ROBO1: variants seen among roughly 807,000 people sequenced by gnomAD.
ROBO1 encodes the protein roundabout guidance receptor 1, also known as roundabout homolog 1.
ROBO1 carries 149 observed loss-of-function variants against 195.9 expected under a neutral mutation model. The ratio of observed to expected loss-of-function variants is 0.76; its 90% CI spans 0.67 to 0.87. The LOEUF is 0.87. Ranked by LOEUF, ROBO1 falls within the 40% of genes least tolerant of loss-of-function variation. The pLI, the probability that ROBO1 is intolerant of heterozygous loss-of-function variation, is 0.00. For missense variants in ROBO1, 1,933 were observed against 2,068.3 expected (o/e 0.93, Z 1.27); for synonymous variants, 816 against 733.2 (o/e 1.11, Z -1.82).
chr3:79,496,754 T>C (rs1333805514), intron 2 of ROBO1, among the ~76,000 whole-genome samples: 1 of 152,166 alleles, frequency 6.6e-6, no homozygotes, highest in Non-Finnish European at 1.5e-5. Context: ...GTAAAAATTA[T>C]GGAGAAAATG....
chr3:79,287,215 G>C (rs1328050110), intron 2 of ROBO1, among the ~76,000 whole-genome samples: 1 of 151,984 alleles, frequency 6.6e-6, no homozygotes, highest in African/African-American at 2.4e-5. Context: ...GAAATATTTT[G>C]GCTTCATGTA....
intron 2 of ROBO1, among the ~76,000 whole-genome samples, chr3:79,358,044 T>C (rs2035625503): frequency 6.6e-6 from 1 of 152,124 alleles, no homozygotes; most frequent in African/African-American, 2.4e-5. Flanking sequence ...AGAATATCGG[T>C]TAAGAGCATG....
At chr3:79,005,877 T>C (rs2077607954) in intron 3 of ROBO1, among the ~76,000 whole-genome samples, 1 of 152,132 alleles carries the variant, frequency 6.6e-6, no homozygotes. Context: ...TATTAGCAAA[T>C]AATAAAACAA....
intron 2 of ROBO1, among the ~76,000 whole-genome samples, chr3:79,188,266 T>A (rs1348956038): frequency 6.6e-6 from 1 of 151,944 alleles, no homozygotes; most frequent in South Asian, 2.1e-4. Context: ...TGTGAGTCCT[T>A]AATGTGGAGA....
At chr3:79,521,488 T>A (rs2107579827) in intron 2 of ROBO1, among the ~76,000 whole-genome samples, 1 of 152,214 alleles carries the variant, frequency 6.6e-6, no homozygotes. Flanking sequence ...CCGACATCGA[T>A]CTAATTCAGA....
intron 23 of ROBO1, among the ~76,000 whole-genome samples, chr3:78,635,231 A>C (rs938395857): frequency 6.6e-6 from 1 of 152,176 alleles, no homozygotes; most frequent in African/African-American, 2.4e-5. Context: ...GACTTCAATC[A>C]GGTCAACCAA....
chr3:78,703,263 GA>G (rs1423824424), intron 8 of ROBO1, among the ~76,000 whole-genome samples: 1 of 152,096 alleles, frequency 6.6e-6, no homozygotes, highest in Non-Finnish European at 1.5e-5. Context: ...TCAATCAAAT[GA>G]AACAGCATTA....
chr3:78,826,074 CTGATAAATCT>C (rs1364668065), intron 4 of ROBO1, among the ~76,000 whole-genome samples: 1 of 152,140 alleles, frequency 6.6e-6, no homozygotes, highest in Non-Finnish European at 1.5e-5. Flanking sequence ...TTTACTTTCC[CTGATAAATCT>C]TAAGTCAGCT....
chr3:79,305,497 A>G (rs1421629113), intron 2 of ROBO1, among the ~76,000 whole-genome samples: 1 of 151,476 alleles, frequency 6.6e-6, no homozygotes, highest in Non-Finnish European at 1.5e-5. Context: ...CAAAAAAAAA[A>G]AAAAAAAAAA....
At chr3:79,461,872 C>A (rs944088512) in intron 2 of ROBO1, among the ~76,000 whole-genome samples, 12 of 151,926 alleles carry the variant, frequency 7.9e-5, no homozygotes, top group Non-Finnish European at 1.0e-4. Flanking sequence ...AAAAATTCTC[C>A]TAAGATTTGT....
chr3:79,034,178 CA>C (rs2078343383), intron 3 of ROBO1, among the ~76,000 whole-genome samples: 1 of 152,106 alleles, frequency 6.6e-6, no homozygotes, highest in Admixed American at 6.5e-5. Flanking sequence ...ATTATTATAA[CA>C]AAATGATGTA....
chr3:78,761,939 T>A (rs2083115543), intron 4 of ROBO1, among the ~76,000 whole-genome samples: 1 of 152,246 alleles, frequency 6.6e-6, no homozygotes, highest in African/African-American at 2.4e-5. Flanking sequence ...GTTTGTAAAA[T>A]TAAATATGAT....
rs899535546 is a variant in ROBO1, at chr3:78,634,583, T to C, written c.3374-541A>G. 5 of 272,680 alleles carry C rather than the reference T, an allele frequency of 1.8e-5. No individual in the cohort carries two copies. The East Asian group carries it at 6.1e-4, about 33-fold the overall frequency. The allele number at this position is 272,680 out of a possible 1,614,324, so 16.9% of individuals were successfully genotyped here. A position where few individuals can be genotyped will look rare whatever the true frequency, so the allele number is the denominator to read the frequency against. On this transcript the variant is annotated intron_variant, in intron 23 of 30. Transcript: ENST00000464233. ...CAATAAATCAGAGTTCTGAAATATT[T>C]GTGCGGAGGCTCTCAGGGCTTTCCG...
intron 2 of ROBO1, among the ~76,000 whole-genome samples, chr3:79,316,620 T>C (rs2033748615): frequency 6.6e-6 from 1 of 152,090 alleles, no homozygotes; most frequent in East Asian, 1.9e-4. Context: ...TAAAGTAATG[T>C]AATCTTAGGG....
intron 4 of ROBO1, among the ~76,000 whole-genome samples, chr3:78,861,128 C>G (rs1422326782): frequency 1.3e-5 from 2 of 152,082 alleles, no homozygotes; most frequent in Admixed American, 6.6e-5. Flanking sequence ...TTGGACATTC[C>G]ATGAACATCT....
chr3:79,687,772 G>A (rs1468961969), intron 1 of ROBO1, among the ~76,000 whole-genome samples: 1 of 152,136 alleles, frequency 6.6e-6, no homozygotes, highest in Non-Finnish European at 1.5e-5. Context: ...ACTGCTGGTG[G>A]GACCGTAAAC....
At chr3:78,702,333 ATTTAG>A (rs1173443578) in intron 8 of ROBO1, among the ~76,000 whole-genome samples, 3 of 152,180 alleles carry the variant, frequency 2.0e-5, no homozygotes, top group Admixed American at 2.0e-4. Flanking sequence ...TATCTTGTGT[ATTTAG>A]TTTACTCAAG....
At chr3:78,888,560 T>G (rs927169007) in intron 4 of ROBO1, among the ~76,000 whole-genome samples, 2 of 152,186 alleles carry the variant, frequency 1.3e-5, no homozygotes, top group African/African-American at 4.8e-5. Context: ...TAGTTAAAAT[T>G]AAGTAACCAT....
chr3:78,989,167 AAGG>A (rs1165967359), intron 3 of ROBO1, among the ~76,000 whole-genome samples: 8 of 152,188 alleles, frequency 5.3e-5, no homozygotes, highest in Non-Finnish European at 7.4e-5. Flanking sequence ...AAATAGCTAG[AAGG>A]AGGATATTGA....
Sources: allele counts gnomAD v4.1 joint callset (sites outside exome capture counted in the v4.1 genomes callset), GRCh38; gene constraint gnomAD v4.1.1; transcripts MANE v1.5; gene names NCBI Gene and HGNC (gene_info 2026-07-23, HGNC 2026-07-21).